The following CTSF variants were observed in gnomAD, a reference collection of about 807,000 sequenced individuals.
The protein encoded by CTSF is cathepsin F.
CTSF carries 65 observed loss-of-function variants against 63.5 expected under a neutral mutation model. The ratio of observed to expected loss-of-function variants is 1.02; its 90% confidence interval spans 0.84 to 1.26. The LOEUF (loss-of-function observed/expected upper bound fraction) is 1.26. Ranked by LOEUF, CTSF falls within the 50% of genes most tolerant of loss-of-function variation. CTSF has a pLI of 0.00. For missense variants in CTSF, 641 were observed against 631.0 expected (o/e 1.02, Z -0.17); for synonymous variants, 256 against 258.1 (o/e 0.99, Z 0.08).
intron 10 of CTSF, 32 bp downstream of exon 10, chr11:66,564,710 A>C: frequency 1.2e-6 from 2 of 1,613,194 alleles, no homozygotes; most frequent in Non-Finnish European, 1.7e-6. Flanking sequence ...TCAACAAGAG[A>C]TGGGGCAGGG....
At chr11:66,565,619 T>C (rs917810286) in intron 8 of CTSF, 52 bp downstream of exon 8, 2 of 1,606,798 alleles carry the variant, frequency 1.2e-6, no homozygotes, top group Non-Finnish European at 8.5e-7. Context: ...AGTAACTTCT[T>C]GTACAGGGAG....
Position 66,566,119 on chromosome 11 carries a change from G to A in CTSF, c.770C>T (p.Pro257Leu), listed in dbSNP as rs776247858. 17 of 1,614,170 alleles carry A rather than the reference G, an allele frequency of 1.1e-5. No individual in the cohort carries two copies. The highest frequency in any genetic ancestry group is 1.4e-5 in the Non-Finnish European group (16 of 1,180,024). Residue 257 changes from proline (P) to leucine (L), a missense_variant, in exon 6 of 13, where the codon CCT (proline) becomes CTT (leucine). By Grantham distance (98) the Pro-to-Leu change is moderately conservative (BLOSUM62 -3). Coordinates refer to ENST00000310325, the MANE Select transcript of CTSF (RefSeq NM_003793.4). ...CTTGGCTTGCTTCATCTTGTTGCCA[G>A]GCTCTTTCCTCAGGAGAGTATTCAG... is the stretch of plus-strand genomic sequence containing the variant. ...IYLNTLLRKEPGNKMKQAKSV... is the reference protein window; with the variant it reads ...IYLNTLLRKELGNKMKQAKSV...
In CTSF at chr11:66,564,811, G is replaced by T; in HGVS notation, c.1166-5C>A. The T allele has an allele frequency of 6.2e-7, 1 of 1,614,124 alleles. No individual in the cohort carries two copies. The highest frequency in any genetic ancestry group is 8.5e-7 in the Non-Finnish European group (1 of 1,180,002). On this transcript the variant is annotated splice_region_variant and splice_polypyrimidine_tract_variant and intron_variant, in intron 9 of 12. Transcript: ENST00000310325. ...TGGCCAGCCAGGCTGCCAGCTCTGA[G>T]ATGGGAAGGGGTGGCATCAGTAGGC...
At chr11:66,565,297 G>A (rs1857904707) in intron 8 of CTSF, among the ~76,000 whole-genome samples, 2 of 152,166 alleles carry the variant, frequency 1.3e-5, no homozygotes, top group Non-Finnish European at 2.9e-5. Context: ...CTGGAGTACA[G>A]TGGCACAAAC....
Position 66,565,702 on chromosome 11 carries a change from G to A in CTSF, c.1014C>T (p.Pro338=), listed in dbSNP as rs760906269. ...TCTTTATGGCCGAGTAGGCATTGGA[G>A]GGCAAGCCGCCCATGCAGGCCTTGT... The part of the protein sequence containing the change: ...KMDKACMGGL[P]SNAYSAIKNL... Residue 338 remains proline, a synonymous_variant, in exon 8 of 13, where the codon CCC becomes CCT. Coordinates refer to ENST00000310325, the MANE Select transcript of CTSF (RefSeq NM_003793.4). The A allele has an allele frequency of 1.2e-6, 2 of 1,613,692 alleles. No homozygotes were observed. The highest frequency in any genetic ancestry group is 2.2e-5 in the South Asian group (2 of 91,078).
At position 66,564,823 on chromosome 11, in the gene CTSF, T is replaced by A; in HGVS notation, c.1166-17A>T. 3 of 1,613,870 alleles carry A rather than the reference T, an allele frequency of 1.9e-6. No individual in the cohort carries two copies. The highest frequency in any genetic ancestry group is 2.5e-6 in the Non-Finnish European group (3 of 1,179,946). ...CTGCCAGCTCTGAGATGGGAAGGGG[T>A]GGCATCAGTAGGCACCCAGGCCCCG... On this transcript the variant is annotated splice_polypyrimidine_tract_variant and intron_variant, in intron 9 of 12. Transcript: ENST00000310325.
Position 66,568,532 on chromosome 11 carries a change from AC to A in CTSF, c.-47del. Reference sequence around the variant, plus strand: ...CCCGGACCCAACAGACGCTCCACCGACCCACCGGGTACCGAGCCCGCGGCCA... The same window carrying A: ...CCCGGACCCAACAGACGCTCCACCGACCACCGGGTACCGAGCCCGCGGCCA... On this transcript the variant is annotated 5_prime_UTR_variant, in exon 1 of 13. Coordinates refer to ENST00000310325, the MANE Select transcript of CTSF (RefSeq NM_003793.4). 1 of 1,477,334 alleles carries A rather than the reference AC, an allele frequency of 6.8e-7. No homozygotes were observed. Among genetic ancestry groups the A allele is most frequent in the South Asian group, 1.3e-5 (1 of 78,962 alleles). 91.5% of individuals were successfully genotyped at this position (1,477,334 alleles called of 1,614,324 possible).
In CTSF at chr11:66,567,290, TTGAAG is replaced by T. The variant is rs1275105390; in HGVS notation, c.558_562del (p.Phe187GlufsTer7). ...CCGGTTATAGGTAATGACAAAGTTC[TTGAAG>T]ATTGAAGCCATCTTCACAGGCAAGT... On this transcript the variant is annotated frameshift_variant, in exon 4 of 13. Coordinates refer to ENST00000310325, the MANE Select transcript of CTSF (RefSeq NM_003793.4). LOFTEE classifies it high-confidence loss of function. 1.9e-6 allele frequency: 3 copies of T among 1,614,108 alleles called. No homozygotes were observed. The African/African-American group carries it at 4.0e-5, about 22-fold the overall frequency.
chr11:66,565,726 G>T lies in CTSF; in HGVS notation c.990C>A (p.Asp330Glu). ...AGGGCAAGCCGCCCATGCAGGCCTT[G>T]TCCATCTTGTCACAGTCCAAGAGCT... is the stretch of plus-strand genomic sequence containing the variant. ...EQELLDCDKM[D>E]KACMGGLPSN... is the part of the protein sequence containing the mutation. The change falls in exon 8 of 13, where the codon GAC (aspartate) becomes GAA (glutamate). Residue 330 changes from aspartate (D) to glutamate (E), a missense_variant. Physicochemically the swap from Asp to Glu is conservative, Grantham distance 45 (BLOSUM62 2). Transcript: ENST00000310325. 2 of 1,613,846 alleles carry T rather than the reference G, an allele frequency of 1.2e-6. No individual in the cohort carries two copies. The highest frequency in any genetic ancestry group is 1.7e-6 in the Non-Finnish European group (2 of 1,180,048).
chr11:66,567,610 T>C lies in CTSF; in HGVS notation c.365A>G (p.Lys122Arg), dbSNP rs368340392. 1.1e-5 allele frequency: 17 copies of C among 1,614,080 alleles called. No individual in the cohort carries two copies. The highest frequency in any genetic ancestry group is 2.7e-5 in the African/African-American group (2 of 74,932). ...DELGRHVLLRKDCGPVDTKVP... is the reference protein window; with the variant it reads ...DELGRHVLLRRDCGPVDTKVP... ...CTTGGTGTCCACTGGGCCACAGTCC[T>C]TCCGCAGCAGCACGTGTCTTCCGAG... The change falls in exon 3 of 13, where the codon AAG (lysine) becomes AGG (arginine). Residue 122 changes from lysine to arginine, a missense_variant. Physicochemically the swap from Lys to Arg is conservative, Grantham distance 26. Coordinates refer to ENST00000310325, the MANE Select transcript of CTSF (RefSeq NM_003793.4).
intron 3 of CTSF, 40 bp downstream of exon 3, chr11:66,567,404 C>G: frequency 6.2e-7 from 1 of 1,601,724 alleles, no homozygotes; most frequent in Non-Finnish European, 8.5e-7. Context: ...CAGCGGCTGG[C>G]TCCTCAAGCT....
rs1269082654 is a variant in CTSF, at chr11:66,567,449, A to C, written c.526T>G (p.Ser176Ala). The change falls in exon 3 of 13, where the codon TCC (serine) becomes GCC (alanine). Residue 176 changes from serine (S) to alanine (A), a missense_variant. Coordinates refer to ENST00000310325, the MANE Select transcript of CTSF (RefSeq NM_003793.4). ...TCAAGCTGAGGGCTCCTCACCTGGG[A>C]CAGGGGATCCTCATTCAACAGGGAA... ...VISLLNEDPL[S>A]QDLPVKMASI... The C allele has an allele frequency of 6.2e-7, 1 of 1,613,870 alleles. No homozygotes were observed. Among genetic ancestry groups the C allele is most frequent in the Non-Finnish European group, 8.5e-7 (1 of 1,179,904 alleles).
In CTSF at chr11:66,564,784, C is replaced by T. The variant is rs955332400; in HGVS notation, c.1188G>A (p.Lys396=). Residue 396 remains lysine (K), a synonymous_variant, in exon 10 of 13, where the codon AAG becomes AAA. Transcript: ENST00000310325. ...NEQKLAAWLA[K]RGPISVAINA... ...TGATGGCCACGGAGATTGGGCCTCT[C>T]TTGGCCAGCCAGGCTGCCAGCTCTG... 7.4e-6 allele frequency: 12 copies of T among 1,613,924 alleles called. No individual in the cohort carries two copies. The South Asian group carries it at 1.3e-4, about 18-fold the overall frequency.
Position 66,567,465 on chromosome 11 carries a change from C to T in CTSF, c.510G>A (p.Leu170=). 6.2e-7 allele frequency: 1 copy of T among 1,614,138 alleles called. No homozygotes were observed. The change falls in exon 3 of 13, where the codon TTG becomes TTA. Residue 170 remains leucine, a synonymous_variant. Coordinates refer to ENST00000310325, the MANE Select transcript of CTSF (RefSeq NM_003793.4). ...NETFSSVISL[L]NEDPLSQDLP... ...TCACCTGGGACAGGGGATCCTCATTCAACAGGGAAATGACTGAGCTGAAAG... is the reference window on the plus strand; with the variant it reads ...TCACCTGGGACAGGGGATCCTCATTTAACAGGGAAATGACTGAGCTGAAAG...
In CTSF at chr11:66,567,581, G is replaced by A. The variant is rs267603129; in HGVS notation, c.394C>T (p.Pro132Ser). ...KDCGPVDTKV[P>S]GAGEPKSAFT... ...GCTGACTTGGGCTCCCCAGCACCTGGAACCTTGGTGTCCACTGGGCCACAG... is the reference window on the plus strand; with the variant it reads ...GCTGACTTGGGCTCCCCAGCACCTGAAACCTTGGTGTCCACTGGGCCACAG... Residue 132 changes from proline (P) to serine (S), a missense_variant, in exon 3 of 13, where the codon CCA becomes TCA. Transcript: ENST00000310325. 4 of 1,614,200 alleles carry A rather than the reference G, an allele frequency of 2.5e-6. No homozygotes were observed. The East Asian group carries it at 6.7e-5, about 27-fold the overall frequency.
chr11:66,567,922 ATCATCCAACTGCTGCTTTAC>A (rs1857969645), intron 2 of CTSF, 42 bp downstream of exon 2: 2 of 1,529,664 alleles, frequency 1.3e-6, no homozygotes, highest in Admixed American at 4.3e-5. Context: ...CTGACCCGTC[ATCATCCAACTGCTGCTTTAC>A]TCGGCCTCGG....
chr11:66,564,021 G>A lies in CTSF; in HGVS notation c.1381-14C>T, dbSNP rs1857869169. On this transcript the variant is annotated splice_polypyrimidine_tract_variant and intron_variant, in intron 12 of 12. Coordinates refer to ENST00000310325, the MANE Select transcript of CTSF (RefSeq NM_003793.4). ...GTAGTAGTAACCCTGGGGGAGAGGGGGAGCTGGTGAGGGCACCAGGGTAGG... is the reference window on the plus strand; with the variant it reads ...GTAGTAGTAACCCTGGGGGAGAGGGAGAGCTGGTGAGGGCACCAGGGTAGG... 1 of 1,613,832 alleles carries A rather than the reference G, an allele frequency of 6.2e-7. No individual in the cohort carries two copies.
chr11:66,566,265 A>G (rs369981763), intron 5 of CTSF, 26 bp downstream of exon 5: 206 of 1,613,882 alleles, frequency 1.3e-4, no homozygotes, highest in Non-Finnish European at 1.7e-4. Flanking sequence ...TCCTGGATCC[A>G]TGAGGACTGT....
rs1470246641 is a variant in CTSF, at chr11:66,568,307, G to C, written c.180C>G (p.Ala60=). Residue 60 remains alanine (A), a synonymous_variant, in exon 1 of 13, where the codon GCC becomes GCG. Transcript: ENST00000310325. Reference sequence around the variant, plus strand: ...CGCGGCCGCGCACAAGGCCCAGCACGGCCCGCGTCCCCGCAGCCCGGCCGC... The same window carrying C: ...CGCGGCCGCGCACAAGGCCCAGCACCGCCCGCGTCCCCGCAGCCCGGCCGC... ...FNRGRAAGTR[A]VLGLVRGRVR... The C allele has an allele frequency of 4.6e-5, 61 of 1,337,860 alleles. No individual in the cohort carries two copies. Among genetic ancestry groups the C allele is most frequent in the African/African-American group, 9.3e-5 (6 of 64,810 alleles). The allele number at this position is 1,337,860 out of a possible 1,614,324, so 82.9% of individuals were successfully genotyped here.
Sources: allele counts gnomAD v4.1 joint callset (sites outside exome capture counted in the v4.1 genomes callset), GRCh38; gene constraint gnomAD v4.1.1; transcripts MANE v1.5; gene names NCBI Gene and HGNC (gene_info 2026-07-23, HGNC 2026-07-21).